The following BNC2 variants were observed in gnomAD, a reference collection of about 807,000 sequenced individuals.
The protein encoded by BNC2 is basonuclin zinc finger protein 2.
Under a neutral mutation model 76.3 loss-of-function variants are expected in BNC2, and 20 were observed. That is an observed-to-expected ratio of 0.26 (90% CI 0.18 to 0.38). BNC2 has a LOEUF of 0.38. Among genes scored for constraint, BNC2 ranks in the 10% least tolerant of loss-of-function variants. The pLI is 1.00. For synonymous variants in BNC2, 582 were observed against 514.8 expected (o/e 1.13, Z -1.77); for missense variants, 1,382 against 1,399.8 (o/e 0.99, Z 0.20).
At chr9:16,657,909 T>C (rs969142797) in intron 3 of BNC2, among the ~76,000 whole-genome samples, 1 of 152,198 alleles carries the variant, frequency 6.6e-6, no homozygotes, top group African/African-American at 2.4e-5. Context: ...GGGTTACAGA[T>C]GATGTTCCTG....
chr9:16,856,718 G>C (rs1305978788), intron 1 of BNC2, among the ~76,000 whole-genome samples: 1 of 152,170 alleles, frequency 6.6e-6, no homozygotes, highest in Non-Finnish European at 1.5e-5. Context: ...TAATGTTTTA[G>C]TCTATCAAAA....
chr9:16,454,442 A>G (rs1821405390), intron 5 of BNC2, among the ~76,000 whole-genome samples: 1 of 152,146 alleles, frequency 6.6e-6, no homozygotes, highest in South Asian at 2.1e-4. Context: ...CTAGGACTAC[A>G]GGCATGTGCC....
At chr9:16,700,714 C>G (rs990808555) in intron 3 of BNC2, among the ~76,000 whole-genome samples, 3 of 152,104 alleles carry the variant, frequency 2.0e-5, no homozygotes, top group African/African-American at 7.2e-5. Context: ...AATCCCAGCC[C>G]TTTGGGAGGC....
In BNC2 at chr9:16,685,603, A is replaced by C. The variant is rs1314903704; in HGVS notation, c.330+42194T>G. On this transcript the variant is annotated intron_variant, in intron 3 of 6. Transcript: ENST00000380672. ...GTTTGGGCAGAAGTCTGCCCCCAGC[A>C]CTCTGCCAGTACATGCCAATGGAAC... 3.8e-6 allele frequency: 5 copies of C among 1,304,058 alleles called. No individual in the cohort carries two copies. The Admixed American group carries it at 1.1e-4, about 30-fold the overall frequency. 80.8% of individuals were successfully genotyped at this position (1,304,058 alleles called of 1,614,324 possible). A position where few individuals can be genotyped will look rare whatever the true frequency, so the allele number is the denominator to read the frequency against.
At chr9:16,847,381 T>C (rs2136133858) in intron 1 of BNC2, among the ~76,000 whole-genome samples, 1 of 107,416 alleles carries the variant, frequency 9.3e-6, no homozygotes, top group South Asian at 3.3e-4. Flanking sequence ...TTTAAACATC[T>C]CTCTGAAGAT....
intron 5 of BNC2, among the ~76,000 whole-genome samples, chr9:16,458,534 C>T (rs920498954): frequency 1.3e-5 from 2 of 152,170 alleles, no homozygotes; most frequent in African/African-American, 4.8e-5. Flanking sequence ...TTATTTATAG[C>T]AATCTGCTAG....
At chr9:16,689,372 C>A (rs1382891061) in intron 3 of BNC2, among the ~76,000 whole-genome samples, 1 of 152,050 alleles carries the variant, frequency 6.6e-6, no homozygotes, top group African/African-American at 2.4e-5. Flanking sequence ...ATGAAAAGGG[C>A]TCGTAGTCAG....
At chr9:16,677,578 A>ACACACAC (rs61063092) in intron 3 of BNC2, among the ~76,000 whole-genome samples, 123 of 139,344 alleles carry the variant, frequency 8.8e-4, no homozygotes, top group East Asian at 3.8e-3. Context: ...GTCTCAAACA[A>ACACACAC]ACACACACAC....
At chr9:16,456,726 G>C (rs1040957946) in intron 5 of BNC2, among the ~76,000 whole-genome samples, 3 of 152,048 alleles carry the variant, frequency 2.0e-5, no homozygotes, top group Admixed American at 6.6e-5. Flanking sequence ...CTTGAAAATG[G>C]AGATAGACAT....
At chr9:16,780,938 T>C (rs951432116) in intron 1 of BNC2, among the ~76,000 whole-genome samples, 1 of 152,082 alleles carries the variant, frequency 6.6e-6, no homozygotes, top group Admixed American at 6.5e-5. Flanking sequence ...TCTATTCCAA[T>C]TCACTAACCA....
intron 5 of BNC2, among the ~76,000 whole-genome samples, chr9:16,455,322 G>C (rs1186754331): frequency 1.3e-5 from 2 of 152,144 alleles, no homozygotes; most frequent in South Asian, 2.1e-4. Context: ...AAATGGCCAA[G>C]AGAAAATAAA....
At chr9:16,671,204 T>C (rs982845812) in intron 3 of BNC2, among the ~76,000 whole-genome samples, 10 of 152,166 alleles carry the variant, frequency 6.6e-5, no homozygotes, top group African/African-American at 2.4e-4. Flanking sequence ...CAAAATGCCT[T>C]CATGCAAGTC....
intron 3 of BNC2, among the ~76,000 whole-genome samples, chr9:16,628,622 A>G (rs1410498710): frequency 6.6e-6 from 1 of 152,240 alleles, no homozygotes; most frequent in African/African-American, 2.4e-5. Flanking sequence ...AACACACACA[A>G]ACACACACGC....
At chr9:16,606,273 TTAA>T (rs1015549760) in intron 3 of BNC2, among the ~76,000 whole-genome samples, 3 of 149,794 alleles carry the variant, frequency 2.0e-5, no homozygotes, top group African/African-American at 7.6e-5. Context: ...GCTTTAAAAG[TTAA>T]TAATAAAGAA....
chr9:16,550,544 T>C (rs1818626708), intron 5 of BNC2, among the ~76,000 whole-genome samples: 1 of 152,244 alleles, frequency 6.6e-6, no homozygotes, highest in Non-Finnish European at 1.5e-5. Flanking sequence ...AGAAACATTA[T>C]CAGGCTTTAT....
chr9:16,745,345 A>G (rs1433152092), intron 1 of BNC2, among the ~76,000 whole-genome samples: 1 of 152,218 alleles, frequency 6.6e-6, no homozygotes, highest in Non-Finnish European at 1.5e-5. Context: ...AATGACCAAC[A>G]TGTAAAACAC....
chr9:16,556,047 C>A (rs750658679), intron 4 of BNC2, among the ~76,000 whole-genome samples: 19 of 152,110 alleles, frequency 1.2e-4, no homozygotes, highest in Non-Finnish European at 2.6e-4. Context: ...CACCTGTAAT[C>A]CCAGCGCTGT....
At chr9:16,599,201 C>A (rs1366297223) in intron 3 of BNC2, among the ~76,000 whole-genome samples, 1 of 152,166 alleles carries the variant, frequency 6.6e-6, no homozygotes, top group African/African-American at 2.4e-5. Context: ...ATGCTTCCTG[C>A]CTACAAATAA....
At chr9:16,618,895 C>A (rs550039073) in intron 3 of BNC2, among the ~76,000 whole-genome samples, 3 of 152,154 alleles carry the variant, frequency 2.0e-5, no homozygotes, top group Admixed American at 1.3e-4. Context: ...AAACGACTTT[C>A]AGGAAAGAAG....
Sources: allele counts gnomAD v4.1 joint callset (sites outside exome capture counted in the v4.1 genomes callset), GRCh38; gene constraint gnomAD v4.1.1; transcripts MANE v1.5; gene names NCBI Gene and HGNC (gene_info 2026-07-23, HGNC 2026-07-21).